The following ARSF variants were observed in gnomAD, a reference collection of about 807,000 sequenced individuals.
The protein encoded by ARSF is arylsulfatase F.
A neutral mutation model predicts 35.4 loss-of-function variants in ARSF; 33 were observed. The observed-to-expected ratio is 0.93, with a 90% CI of 0.71 to 1.25. ARSF has a LOEUF of 1.25. ARSF is among the 50% of genes most tolerant of loss of function. The pLI, the probability that ARSF is intolerant of heterozygous loss-of-function variation, is 0.00. For missense variants in ARSF, 501 were observed against 480.2 expected, an observed-to-expected ratio of 1.04 and a Z score of -0.40; for synonymous variants, 222 against 193.1, an observed-to-expected ratio of 1.15 and a Z score of -1.24.
intron 7 of ARSF, 35 bp downstream of exon 7, chrX:3,089,667 G>A (rs761686960): frequency 1.2e-5 from 14 of 1,204,184 alleles, no homozygotes; most frequent in East Asian, 3.0e-5. Flanking sequence ...AGAAACTAAC[G>A]TGTTCTGATA....
At chrX:3,075,727 C>T (rs774040272) in intron 3 of ARSF, among the ~76,000 whole-genome samples, 2 of 107,740 alleles carry the variant, frequency 1.9e-5, no homozygotes, top group South Asian at 8.5e-4. Context: ...CTGCTTGTCT[C>T]TCTATGTCTC....
At chrX:3,088,662 G>A (rs1000970494) in intron 6 of ARSF, among the ~76,000 whole-genome samples, 2 of 110,313 alleles carry the variant, frequency 1.8e-5, no homozygotes, top group Non-Finnish European at 3.8e-5. Flanking sequence ...CCTGGGTTCA[G>A]CGATTCTCCC....
intron 7 of ARSF, among the ~76,000 whole-genome samples, chrX:3,096,023 G>A (rs56248765): frequency 0.16 from 16,752 of 106,915 alleles, 1,033 homozygotes; most frequent in African/African-American, 0.17. Flanking sequence ...TGTAGTATAT[G>A]TGTTCTAAAG....
At chrX:3,068,598 T>A (rs2090082373) in intron 2 of ARSF, among the ~76,000 whole-genome samples, 1 of 110,520 alleles carries the variant, frequency 9.0e-6, no homozygotes, top group Non-Finnish European at 1.9e-5. Flanking sequence ...TTTTTATTTT[T>A]ATTTTTTGTA....
intron 1 of ARSF, 86 bp downstream of exon 1, chrX:3,041,749 G>A (rs1422063242): frequency 8.9e-6 from 1 of 112,319 alleles, no homozygotes; most frequent in East Asian, 2.8e-4. Context: ...ATTTAGATGT[G>A]TTTATGTACA....
intron 3 of ARSF, among the ~76,000 whole-genome samples, chrX:3,073,888 T>C (rs1279158574): frequency 1.8e-5 from 2 of 108,722 alleles, no homozygotes; most frequent in Non-Finnish European, 3.8e-5. Flanking sequence ...ATGGGCATTC[T>C]GAAAGAAGAA....
At chrX:3,093,084 T>A (rs1227212857) in intron 7 of ARSF, among the ~76,000 whole-genome samples, 1 of 110,325 alleles carries the variant, frequency 9.1e-6, no homozygotes, top group African/African-American at 3.3e-5. Context: ...GAGAATGGCG[T>A]GAACCTGGGA....
chrX:3,103,861 C>T lies in ARSF; in HGVS notation c.1202C>T (p.Thr401Ile), dbSNP rs150215087. 1.4e-4 allele frequency: 174 copies of T among 1,209,770 alleles called. No homozygotes were observed. Among genetic ancestry groups the T allele is most frequent in the Admixed American group, 2.0e-4 (9 of 45,700 alleles). Reference sequence around the variant, plus strand: ...GCTGGACGGTTGATTAAGGAACCTACAAGTTTAATGGATATTTTACCAACT... The same window carrying T: ...GCTGGACGGTTGATTAAGGAACCTATAAGTTTAATGGATATTTTACCAACT... Reference protein sequence around the residue: ...VPAGRLIKEPTSLMDILPTVA... With the variant: ...VPAGRLIKEPISLMDILPTVA... The change falls in exon 9 of 11, where the codon ACA (threonine) becomes ATA (isoleucine). Residue 401 changes from threonine (T) to isoleucine (I), a missense_variant. By Grantham distance (89) the Thr-to-Ile change is moderately conservative. Coordinates refer to ENST00000381127, the MANE Select transcript of ARSF (RefSeq NM_001201539.2).
intron 1 of ARSF, among the ~76,000 whole-genome samples, chrX:3,051,592 G>A (rs754503228): frequency 7.2e-5 from 8 of 110,422 alleles, no homozygotes; most frequent in Non-Finnish European, 1.5e-4. Context: ...CTCTGTAACT[G>A]TGAGAAGATT....
intron 5 of ARSF, among the ~76,000 whole-genome samples, chrX:3,082,674 A>G (rs2090210997): frequency 9.0e-6 from 1 of 111,632 alleles, no homozygotes; most frequent in Non-Finnish European, 1.9e-5. Context: ...ATCCACCTAC[A>G]TATACAAATA....
intron 10 of ARSF, 98 bp from the exon 11 acceptor site, chrX:3,112,076 C>A: frequency 2.9e-6 from 2 of 684,924 alleles, no homozygotes; most frequent in Non-Finnish European, 4.4e-6. Flanking sequence ...CAGTTTGTGG[C>A]CTGGGGACTG....
chrX:3,074,862 C>T (rs911400001), intron 3 of ARSF, among the ~76,000 whole-genome samples: 4 of 111,138 alleles, frequency 3.6e-5, no homozygotes, highest in East Asian at 2.8e-4. Flanking sequence ...TCGACCCTCA[C>T]CCCAGCGCCT....
At chrX:3,077,772 A>G (rs2090163668) in intron 4 of ARSF, among the ~76,000 whole-genome samples, 1 of 81,174 alleles carries the variant, frequency 1.2e-5, no homozygotes, top group Admixed American at 1.5e-4. Flanking sequence ...TGCTCAATTT[A>G]TATCAATTTT....
At chrX:3,058,915 C>A (rs1177193180) in intron 1 of ARSF, among the ~76,000 whole-genome samples, 1 of 111,339 alleles carries the variant, frequency 9.0e-6, no homozygotes, top group African/African-American at 3.3e-5. Flanking sequence ...AAGATTTTAC[C>A]ATGAGCAGTT....
Position 3,084,620 on chromosome X carries a change from C to G in ARSF, c.784C>G (p.Arg262Gly), listed in dbSNP as rs200082842. Residue 262 changes from arginine to glycine, a missense_variant, in exon 6 of 11, where the codon CGA becomes GGA. By Grantham distance (125) the Arg-to-Gly change is moderately radical. Coordinates refer to ENST00000381127, the MANE Select transcript of ARSF (RefSeq NM_001201539.2). ...CACGGAGCAGCCCATGAAGGCTGAACGAGCTGGATCCATTATGGTGAAGGA... is the reference window on the plus strand; with the variant it reads ...CACGGAGCAGCCCATGAAGGCTGAAGGAGCTGGATCCATTATGGTGAAGGA... ...EITEQPMKAERAGSIMVKEAI... is the reference protein window; with the variant it reads ...EITEQPMKAEGAGSIMVKEAI... 37 of 1,190,536 alleles carry G rather than the reference C, an allele frequency of 3.1e-5. No individual in the cohort carries two copies. In the South Asian group the frequency reaches 5.2e-4, roughly 17 times the overall value.
chrX:3,048,891 C>G (rs1337339876), intron 1 of ARSF, among the ~76,000 whole-genome samples: 1 of 112,390 alleles, frequency 8.9e-6, no homozygotes, highest in Admixed American at 9.4e-5. Flanking sequence ...GTTCAAGGGT[C>G]CCCTTCTACA....
At chrX:3,049,298 G>A (rs753477683) in intron 1 of ARSF, among the ~76,000 whole-genome samples, 2 of 106,669 alleles carry the variant, frequency 1.9e-5, no homozygotes, top group African/African-American at 6.9e-5. Context: ...CATTCTTTTC[G>A]GTCTTTGATC....
At chrX:3,084,208 T>C in intron 5 of ARSF, 35 bp from the exon 6 acceptor site, 9 of 1,196,030 alleles carry the variant, frequency 7.5e-6, no homozygotes, top group Non-Finnish European at 1.0e-5. Flanking sequence ...TGTTGACATA[T>C]TGATGCGTAG....
chrX:3,071,454 C>T (rs1038316741), intron 2 of ARSF, among the ~76,000 whole-genome samples: 1 of 110,308 alleles, frequency 9.1e-6, no homozygotes, highest in Non-Finnish European at 1.9e-5. Context: ...CAGGAGTGTG[C>T]CACTACACTC....
Sources: allele counts gnomAD v4.1 joint callset (sites outside exome capture counted in the v4.1 genomes callset), GRCh38; gene constraint gnomAD v4.1.1; transcripts MANE v1.5; gene names NCBI Gene and HGNC (gene_info 2026-07-23, HGNC 2026-07-21).